The following USP13 variants were observed in gnomAD, a reference collection of about 807,000 sequenced individuals.
The protein encoded by USP13 is ubiquitin specific peptidase 13.
Under a neutral mutation model 107.8 loss-of-function variants are expected in USP13, and 68 were observed. That is an observed-to-expected ratio of 0.63 (90% CI 0.52 to 0.77). USP13 has a LOEUF of 0.77. Ranked by LOEUF, USP13 falls within the 30% of genes least tolerant of loss-of-function variation. The pLI is 0.00. For missense variants in USP13, 945 were observed against 1,093.3 expected, an observed-to-expected ratio of 0.86 and a Z score of 1.91; for synonymous variants, 377 against 389.5, an observed-to-expected ratio of 0.97 and a Z score of 0.38.
chr3:179,679,578 C>T (rs1560045805), intron 1 of USP13, among the ~76,000 whole-genome samples: 1 of 152,020 alleles, frequency 6.6e-6, no homozygotes, highest in Non-Finnish European at 1.5e-5. Flanking sequence ...TACAGAAAAG[C>T]ATGTTAAGCA....
In USP13 at chr3:179,777,337, T is replaced by G. The variant is rs183991902; in HGVS notation, c.2414-4402T>G. On this transcript the variant is annotated intron_variant, in intron 19 of 20. Coordinates refer to ENST00000263966, the MANE Select transcript of USP13 (RefSeq NM_003940.3). ...TCACTGATGTGACCCTGTCTTATGG[T>G]GGGAAGTGCTCAGTAAACACTCTGT... Among the ~76,000 whole-genome samples the G allele has an allele frequency of 9.9e-3, 1,504 of 152,000 alleles. 22 individuals are homozygous for G. The highest frequency in any genetic ancestry group is 0.034 in the African/African-American group (1,424 of 41,486).
Position 179,653,056 on chromosome 3 carries a change from G to C in USP13, c.-170G>C, listed in dbSNP as rs1190063655. 4 of 406,048 alleles carry C rather than the reference G, an allele frequency of 9.9e-6. No homozygotes were observed. The highest frequency in any genetic ancestry group is 1.0e-5 in the Non-Finnish European group (3 of 301,404). 25.2% of individuals were successfully genotyped at this position (406,048 alleles called of 1,614,324 possible). On this transcript the variant is annotated 5_prime_UTR_variant, in exon 1 of 21. Transcript: ENST00000263966. The surrounding 1 kb of genome is among the most constrained non-coding windows in gnomAD (Gnocchi z 4.0). ...AGCGTCGCCAGTCCGCCCCAAGCCCGCGGTGCCCGCTCCCGCCCCGCAGCC... is the reference window on the plus strand; with the variant it reads ...AGCGTCGCCAGTCCGCCCCAAGCCCCCGGTGCCCGCTCCCGCCCCGCAGCC...
chr3:179,704,989 G>C (rs111435646), intron 4 of USP13, among the ~76,000 whole-genome samples: 17 of 152,252 alleles, frequency 1.1e-4, no homozygotes, highest in African/African-American at 4.1e-4. Flanking sequence ...GCAGAGAAGA[G>C]GGGCAGGGCT....
In USP13 at chr3:179,784,960, G is replaced by T. The variant is rs1560087592; in HGVS notation, c.*819G>T. 6.6e-6 allele frequency: 1 copy of T among 152,214 alleles called. No homozygotes were observed. The allele number at this position is 152,214 out of a possible 1,614,324, so 9.4% of individuals were successfully genotyped here. On this transcript the variant is annotated 3_prime_UTR_variant, in exon 21 of 21. Coordinates refer to ENST00000263966, the MANE Select transcript of USP13 (RefSeq NM_003940.3). Reference sequence around the variant, plus strand: ...AAAAAGGGCTGAGTTATGCCTTTAAGTGCTGTCAAGAATTCACTTGGGTTT... The same window carrying T: ...AAAAAGGGCTGAGTTATGCCTTTAATTGCTGTCAAGAATTCACTTGGGTTT...
intron 19 of USP13, among the ~76,000 whole-genome samples, chr3:179,775,563 G>T (rs1484354412): frequency 6.6e-6 from 1 of 152,234 alleles, no homozygotes; most frequent in Non-Finnish European, 1.5e-5. Flanking sequence ...GCACTGCGGA[G>T]CAGGGGGCGG....
chr3:179,747,894 A>C (rs1439006867), intron 13 of USP13, among the ~76,000 whole-genome samples: 1 of 152,130 alleles, frequency 6.6e-6, no homozygotes, highest in Admixed American at 6.5e-5. Flanking sequence ...AGGAGCTTTT[A>C]CCTTTTCCTT....
intron 6 of USP13, among the ~76,000 whole-genome samples, chr3:179,712,918 T>C: frequency 6.6e-6 from 1 of 152,192 alleles, no homozygotes; most frequent in Non-Finnish European, 1.5e-5. Context: ...TTAATTTGCA[T>C]TTCTGATGAG....
chr3:179,727,171 T>G (rs1735804852), intron 8 of USP13, among the ~76,000 whole-genome samples: 2 of 150,492 alleles, frequency 1.3e-5, no homozygotes, highest in East Asian at 2.0e-4. Context: ...ATGTTTTTTT[T>G]TTTTTTTTTT....
Position 179,784,200 on chromosome 3 carries a change from A to G in USP13, c.*59A>G. ...TACGCCTTTTTAATTTGCCAAAAAA[A>G]AAAAGAAGAAGAAGAAGTTGAAACA... On this transcript the variant is annotated 3_prime_UTR_variant, in exon 21 of 21. Transcript: ENST00000263966. The G allele has an allele frequency of 3.0e-6, 4 of 1,338,370 alleles. No homozygotes were observed. Among genetic ancestry groups the G allele is most frequent in the Non-Finnish European group, 4.2e-6 (4 of 956,104 alleles). The allele number at this position is 1,338,370 out of a possible 1,614,324, so 82.9% of individuals were successfully genotyped here. A position where few individuals can be genotyped will look rare whatever the true frequency, so the allele number is the denominator to read the frequency against.
intron 1 of USP13, among the ~76,000 whole-genome samples, chr3:179,670,728 C>A (rs982410686): frequency 1.3e-5 from 2 of 151,778 alleles, no homozygotes; most frequent in Non-Finnish European, 2.9e-5. Context: ...GACAGATTCT[C>A]GCTCTGTCAC....
intron 2 of USP13, among the ~76,000 whole-genome samples, chr3:179,689,308 C>G (rs1712017176): frequency 6.6e-6 from 1 of 152,082 alleles, no homozygotes; most frequent in African/African-American, 2.4e-5. Context: ...TTTTGTATTA[C>G]CACTCGATGG....
chr3:179,670,266 T>C (rs1720711464), intron 1 of USP13, among the ~76,000 whole-genome samples: 1 of 152,168 alleles, frequency 6.6e-6, no homozygotes, highest in South Asian at 2.1e-4. Flanking sequence ...ATCTTCGATG[T>C]CTCTTTCTTG....
chr3:179,753,813 A>T (rs1016538116), intron 14 of USP13, among the ~76,000 whole-genome samples: 18 of 152,156 alleles, frequency 1.2e-4, no homozygotes, highest in Middle Eastern at 3.2e-3. Flanking sequence ...CCAATATTTG[A>T]ACCCATTTTT....
chr3:179,724,407 G>A (rs566616396), intron 8 of USP13, among the ~76,000 whole-genome samples: 32 of 146,080 alleles, frequency 2.2e-4, no homozygotes, highest in African/African-American at 7.4e-4. Context: ...GCAGTGAGCC[G>A]AGATTGCTCT....
intron 6 of USP13, 150 bp downstream of exon 6, chr3:179,709,107 C>T: frequency 2.1e-6 from 2 of 938,482 alleles, no homozygotes; most frequent in Non-Finnish European, 3.1e-6. Context: ...GTTTTGAGGT[C>T]TTGGGCAAGT....
chr3:179,714,774 T>C (rs1164443686), intron 6 of USP13, among the ~76,000 whole-genome samples: 1 of 152,216 alleles, frequency 6.6e-6, no homozygotes, highest in Non-Finnish European at 1.5e-5. Context: ...ACCTTTTTTC[T>C]ACTTTACTGA....
At chr3:179,654,153 G>A (rs1212403230) in intron 1 of USP13, among the ~76,000 whole-genome samples, 2 of 149,178 alleles carry the variant, frequency 1.3e-5, no homozygotes, top group African/African-American at 5.0e-5. Flanking sequence ...GGAGGAGGCT[G>A]TAGTGGGCCG....
intron 7 of USP13, among the ~76,000 whole-genome samples, chr3:179,720,839 G>A (rs1230881405): frequency 2.1e-5 from 3 of 142,200 alleles, no homozygotes; most frequent in African/African-American, 8.0e-5. Context: ...ATGGAGTTTC[G>A]CTCTTGTTGC....
At chr3:179,783,905 G>T in intron 20 of USP13, 143 bp from the exon 21 acceptor site, 2 of 553,064 alleles carry the variant, frequency 3.6e-6, no homozygotes, top group Non-Finnish European at 6.4e-6. Context: ...CCAGCATTCT[G>T]TCCCTTTTTA....
Sources: gnomAD v4.1 joint callset for allele counts (sites outside exome capture counted in the v4.1 genomes callset) on GRCh38, gnomAD v4.1.1 for gene constraint, Gnocchi (gnomAD v3.1) non-coding constraint, MANE v1.5 for transcripts, NCBI Gene and HGNC (gene_info 2026-07-23, HGNC 2026-07-21) for gene names.